Variants in MID1 observed in about 807,000 individuals in gnomAD.
MID1 encodes midline 1, also known as E3 ubiquitin-protein ligase Midline-1.
In MID1, 7 loss-of-function variants were observed where a neutral mutation model predicts 40.4. The observed-to-expected ratio is 0.17, with a 90% CI of 0.10 to 0.33. The LOEUF (loss-of-function observed/expected upper bound fraction) is 0.33, where lower values mean the gene tolerates loss of function less well. MID1 is among the 10% of genes least tolerant of loss of function. MID1 has a pLI of 1.00. For missense variants in MID1, 367 were observed against 558.5 expected, an observed-to-expected ratio of 0.66 and a Z score of 3.46; for synonymous variants, 229 against 221.2, an observed-to-expected ratio of 1.04 and a Z score of -0.31.
chrX:10,563,731 G>A lies in MID1; in HGVS notation c.660+3157C>T, dbSNP rs369892443. ...TTTCATGAGTGCCTCTCAATGCATA[G>A]TCTCCGAAAGCGTTAGATTACTGAC... On this transcript the variant is annotated intron_variant, in intron 2 of 9. Transcript: ENST00000317552. Among the ~76,000 whole-genome samples, 403 of 111,893 alleles carry A rather than the reference G, an allele frequency of 3.6e-3. 10 individuals are homozygous for A. In the South Asian group the frequency reaches 0.14, roughly 39 times the overall value.
intron 3 of MID1, among the ~76,000 whole-genome samples, chrX:10,514,613 C>T (rs893113493): frequency 7.1e-5 from 8 of 112,273 alleles, no homozygotes; most frequent in African/African-American, 2.6e-4. Context: ...TTTCAACTGT[C>T]TTACTATTGC....
chrX:10,788,335 T>A (rs957875681), intron 1 of MID1, among the ~76,000 whole-genome samples: 1 of 111,901 alleles, frequency 8.9e-6, no homozygotes, highest in Admixed American at 9.5e-5. Context: ...TGACTTAAGT[T>A]TCCTTGAATC....
chrX:10,682,957 T>C (rs2043069442), intron 1 of MID1, among the ~76,000 whole-genome samples: 1 of 111,126 alleles, frequency 9.0e-6, no homozygotes, highest in Non-Finnish European at 1.9e-5. Context: ...AAACACACAG[T>C]CCTGAAATAA....
intron 1 of MID1, among the ~76,000 whole-genome samples, chrX:10,707,958 T>G (rs1358747938): frequency 1.8e-5 from 2 of 113,096 alleles, no homozygotes; most frequent in African/African-American, 6.4e-5. Flanking sequence ...ATCAATATGA[T>G]TTGGGGGAGA....
chrX:10,558,059 C>G (rs1934189490), intron 2 of MID1, among the ~76,000 whole-genome samples: 1 of 100,453 alleles, frequency 1.0e-5, no homozygotes, highest in African/African-American at 3.9e-5. Flanking sequence ...ATTAACCTCT[C>G]TCTCTTAAAA....
rs1182677341 is a variant in MID1, at chrX:10,567,077, T to C, written c.471A>G (p.Thr157=). The change falls in exon 2 of 10, where the codon ACA becomes ACG. Residue 157 remains threonine (T), a synonymous_variant. Coordinates refer to ENST00000317552, the MANE Select transcript of MID1 (RefSeq NM_000381.4). ...GAATTGGCTCAATCAGACGATGGCC[T>C]GTAAAGGGCTTCTTATTCGGGTGAG... ...KATHPNKKPF[T]GHRLIEPIPD... The C allele has an allele frequency of 1.2e-5, 15 of 1,211,849 alleles. No individual in the cohort carries two copies. The highest frequency in any genetic ancestry group is 1.7e-5 in the African/African-American group (1 of 57,801).
intron 4 of MID1, among the ~76,000 whole-genome samples, chrX:10,492,547 G>A (rs1338614736): frequency 3.6e-5 from 4 of 112,015 alleles, no homozygotes; most frequent in African/African-American, 1.3e-4. Context: ...TGAGGGAAAG[G>A]TTGGCAATAA....
rs766774928 is a variant in MID1, at chrX:10,793,678, A to G, written c.-187+39876T>C. On this transcript the variant is annotated intron_variant, in intron 1 of 10. Transcript: ENST00000380785. The stretch of plus-strand genomic sequence containing the variant: ...CTTAGAGGCCCCAGCTCCATTGGCT[A>G]TCACATGGGCCATATCTTGCCCTTG... Among the ~76,000 whole-genome samples, 15 of 111,834 alleles carry G rather than the reference A, an allele frequency of 1.3e-4. No homozygotes were observed. In the East Asian group the frequency reaches 3.4e-3, roughly 25 times the overall value.
At chrX:10,579,431 C>A (rs778252305) in intron 1 of MID1, among the ~76,000 whole-genome samples, 1 of 111,936 alleles carries the variant, frequency 8.9e-6, no homozygotes, top group African/African-American at 3.3e-5. Flanking sequence ...ATGGCCAATG[C>A]AACATTTCAC....
At chrX:10,500,970 A>G (rs1931511379) in intron 3 of MID1, among the ~76,000 whole-genome samples, 1 of 111,879 alleles carries the variant, frequency 8.9e-6, no homozygotes, top group South Asian at 3.8e-4. Context: ...TTTGGACCAC[A>G]CTGGAAATGG....
chrX:10,474,497 GA>G (rs1929888962), intron 6 of MID1, 125 bp downstream of exon 6: 1 of 680,471 alleles, frequency 1.5e-6, no homozygotes. Context: ...ATTGTTTATG[GA>G]AATATCAGTG....
chrX:10,457,110 A>T (rs1178493138), intron 8 of MID1, among the ~76,000 whole-genome samples: 1 of 112,095 alleles, frequency 8.9e-6, no homozygotes, highest in Non-Finnish European at 1.9e-5. Context: ...TGGATTAAAA[A>T]TGATTGATAG....
chrX:10,611,641 C>A (rs1173891328), intron 1 of MID1, among the ~76,000 whole-genome samples: 1 of 111,206 alleles, frequency 9.0e-6, no homozygotes, highest in Non-Finnish European at 1.9e-5. Flanking sequence ...GGCAGTAGCT[C>A]CGGATCAAGG....
intron 1 of MID1, among the ~76,000 whole-genome samples, chrX:10,814,833 A>G (rs1382413566): frequency 8.9e-6 from 1 of 111,954 alleles, no homozygotes; most frequent in Non-Finnish European, 1.9e-5. Flanking sequence ...TTCATTCAGA[A>G]TATTCCCCTG....
At chrX:10,721,327 A>G (rs2043353053) in intron 1 of MID1, among the ~76,000 whole-genome samples, 1 of 111,315 alleles carries the variant, frequency 9.0e-6, no homozygotes, top group Admixed American at 9.6e-5. Flanking sequence ...AATCAGAACT[A>G]GAGGTCAACT....
intron 1 of MID1, among the ~76,000 whole-genome samples, chrX:10,803,951 T>C (rs2044026762): frequency 9.0e-6 from 1 of 110,779 alleles, no homozygotes; most frequent in African/African-American, 3.4e-5. Context: ...ATTCTGTTCC[T>C]TTTTTTAATT....
intron 1 of MID1, among the ~76,000 whole-genome samples, chrX:10,826,174 G>A (rs2044215116): frequency 9.0e-6 from 1 of 110,977 alleles, no homozygotes; most frequent in Admixed American, 9.6e-5. Context: ...TTCTAGATAT[G>A]TGAATCAAAT....
chrX:10,808,284 T>A (rs920949925), intron 1 of MID1, among the ~76,000 whole-genome samples: 1 of 111,901 alleles, frequency 8.9e-6, no homozygotes, highest in Non-Finnish European at 1.9e-5. Context: ...CTGATAACCA[T>A]TGAATCTCCT....
At chrX:10,810,411 T>C (rs957793450) in intron 1 of MID1, among the ~76,000 whole-genome samples, 1 of 111,968 alleles carries the variant, frequency 8.9e-6, no homozygotes, top group African/African-American at 3.2e-5. Flanking sequence ...TATTTATCCA[T>C]TTATATGTCA....
Sources: allele counts gnomAD v4.1 joint callset (sites outside exome capture counted in the v4.1 genomes callset), GRCh38; gene constraint gnomAD v4.1.1; transcripts MANE v1.5; gene names NCBI Gene and HGNC (gene_info 2026-07-23, HGNC 2026-07-21).